Variants in ZMYND8 observed in about 807,000 individuals in gnomAD.
ZMYND8 encodes MYND-type zinc finger-containing chromatin reader ZMYND8.
Under a neutral mutation model 140.8 loss-of-function variants are expected in ZMYND8, and 37 were observed. The observed-to-expected ratio is 0.26, with a 90% CI of 0.20 to 0.35. The LOEUF (loss-of-function observed/expected upper bound fraction) is 0.35, where lower values mean the gene tolerates loss of function less well. ZMYND8 is among the 10% of genes least tolerant of loss of function. The pLI is 1.00. For synonymous variants in ZMYND8, 592 were observed against 597.1 expected, an observed-to-expected ratio of 0.99 and a Z score of 0.12; for missense variants, 1,068 against 1,570.0, an observed-to-expected ratio of 0.68 and a Z score of 5.40.
intron 4 of ZMYND8, among the ~76,000 whole-genome samples, chr20:47,296,671 G>A (rs764827962): frequency 3.9e-5 from 6 of 152,128 alleles, no homozygotes; most frequent in Non-Finnish European, 8.8e-5. Context: ...ACTATATTTT[G>A]TTGGCCGGGC....
At chr20:47,291,971 A>T in intron 5 of ZMYND8, 83 bp from the exon 6 acceptor site, 1 of 1,224,722 alleles carries the variant, frequency 8.2e-7, no homozygotes, top group Non-Finnish European at 1.1e-6. Flanking sequence ...AGGCTTGAAA[A>T]ATTGAGACAA....
chr20:47,308,560 A>C (rs570730110), intron 3 of ZMYND8, among the ~76,000 whole-genome samples: 2 of 152,236 alleles, frequency 1.3e-5, no homozygotes, highest in East Asian at 3.9e-4. Flanking sequence ...ATTTCATATA[A>C]AGATTGTATG....
At chr20:47,307,590 C>G (rs1477947972) in intron 3 of ZMYND8, among the ~76,000 whole-genome samples, 1 of 152,094 alleles carries the variant, frequency 6.6e-6, no homozygotes, top group Non-Finnish European at 1.5e-5. Context: ...AGAGGGTAGG[C>G]TGGGCACAGT....
rs144049788 is a variant in ZMYND8, at chr20:47,328,131, T to C, written c.86-17927A>G. 1.1e-3 allele frequency among the ~76,000 whole-genome samples: 166 copies of C among 152,114 alleles called. 1 individual carries two copies. Among genetic ancestry groups the C allele is most frequent in the African/African-American group, 3.8e-3 (156 of 41,482 alleles). On this transcript the variant is annotated intron_variant, in intron 2 of 22. Coordinates refer to ENST00000471951, the MANE Select transcript of ZMYND8 (RefSeq NM_001281775.3). ...CTACCCTAGATCATTAAATCTAAAC[T>C]TGAAAGGCCCTTAAAGGGTGTAACA...
intron 12 of ZMYND8, among the ~76,000 whole-genome samples, chr20:47,261,790 G>A (rs1246360674): frequency 6.6e-6 from 1 of 152,000 alleles, no homozygotes; most frequent in African/African-American, 2.4e-5. Flanking sequence ...AAGCACTTTG[G>A]GCCAGGCATG....
intron 13 of ZMYND8, 40 bp from the exon 14 acceptor site, chr20:47,246,557 A>C: frequency 6.5e-7 from 1 of 1,530,258 alleles, no homozygotes; most frequent in Non-Finnish European, 8.7e-7. Flanking sequence ...GCGTAGTCAC[A>C]AAATAAAGAG....
intron 14 of ZMYND8, among the ~76,000 whole-genome samples, chr20:47,239,893 C>T (rs2039727373): frequency 6.6e-6 from 1 of 152,138 alleles, no homozygotes; most frequent in South Asian, 2.1e-4. Flanking sequence ...GTGTTCAAGT[C>T]TAAAATGAGT....
intron 11 of ZMYND8, among the ~76,000 whole-genome samples, chr20:47,274,545 C>T (rs1569065126): frequency 1.3e-5 from 2 of 152,112 alleles, no homozygotes. Context: ...TTAAATGGAA[C>T]CGTGTCATGA....
chr20:47,258,575 G>A (rs754946591), intron 12 of ZMYND8, among the ~76,000 whole-genome samples: 6 of 152,052 alleles, frequency 3.9e-5, no homozygotes, highest in Non-Finnish European at 5.9e-5. Context: ...CCAACCCCCA[G>A]CTATCACTCA....
intron 2 of ZMYND8, among the ~76,000 whole-genome samples, chr20:47,334,111 A>G (rs536787608): frequency 1.7e-4 from 26 of 152,296 alleles, no homozygotes; most frequent in African/African-American, 5.8e-4. Context: ...TGACTCTCTC[A>G]TGTAATTTAT....
chr20:47,311,551 T>A (rs2078932016), intron 2 of ZMYND8, among the ~76,000 whole-genome samples: 1 of 152,214 alleles, frequency 6.6e-6, no homozygotes, highest in African/African-American at 2.4e-5. Flanking sequence ...GCAGTCATCT[T>A]GCCTTTGCTC....
At position 47,283,477 on chromosome 20, in the gene ZMYND8, T is replaced by C. The variant is rs2076735238; in HGVS notation, c.882+94A>G. On this transcript the variant is annotated intron_variant, in intron 9 of 22. Coordinates refer to ENST00000471951, the MANE Select transcript of ZMYND8 (RefSeq NM_001281775.3). ...TTATCTTAAAACTCCATCCAAAGTT[T>C]CATCTAATAAGCCACCTGGAAAAAG... The C allele has an allele frequency of 2.3e-6, 3 of 1,282,738 alleles. No individual in the cohort carries two copies. In the Admixed American group the frequency reaches 5.7e-5, roughly 24 times the overall value. The allele number at this position is 1,282,738 out of a possible 1,614,324, so 79.5% of individuals were successfully genotyped here.
chr20:47,248,965 G>C (rs1454273748), intron 13 of ZMYND8, among the ~76,000 whole-genome samples: 1 of 93,684 alleles, frequency 1.1e-5, no homozygotes, highest in Non-Finnish European at 2.1e-5. Flanking sequence ...TGGAGACACT[G>C]ATGCGTACTG....
At chr20:47,261,306 G>C (rs138172205) in intron 12 of ZMYND8, among the ~76,000 whole-genome samples, 2 of 152,258 alleles carry the variant, frequency 1.3e-5, no homozygotes, top group African/African-American at 4.8e-5. Flanking sequence ...GGAGGCTAAA[G>C]TGGGAGGACT....
intron 2 of ZMYND8, among the ~76,000 whole-genome samples, chr20:47,327,766 G>A (rs2080567006): frequency 1.3e-5 from 2 of 152,110 alleles, no homozygotes; most frequent in South Asian, 4.2e-4. Flanking sequence ...TGTTTGCCGA[G>A]GTCTCCATTA....
At chr20:47,222,395 G>C (rs567222924) in intron 19 of ZMYND8, among the ~76,000 whole-genome samples, 42 of 152,318 alleles carry the variant, frequency 2.8e-4, no homozygotes, top group African/African-American at 8.7e-4. Context: ...AATTAGCCAG[G>C]CGTGGTGGCG....
intron 8 of ZMYND8, among the ~76,000 whole-genome samples, chr20:47,286,200 C>G (rs1037218815): frequency 6.8e-6 from 1 of 146,982 alleles, no homozygotes; most frequent in Non-Finnish European, 1.5e-5. Flanking sequence ...TTCTCGGAGA[C>G]AGAGTCTCAC....
chr20:47,333,712 G>C (rs1602020224), intron 2 of ZMYND8, among the ~76,000 whole-genome samples: 1 of 113,982 alleles, frequency 8.8e-6, no homozygotes, highest in African/African-American at 3.4e-5. Flanking sequence ...GTGACAGAGC[G>C]AGACTCCGTC....
At chr20:47,245,241 G>A (rs1313374410) in intron 14 of ZMYND8, among the ~76,000 whole-genome samples, 1 of 152,100 alleles carries the variant, frequency 6.6e-6, no homozygotes, top group Non-Finnish European at 1.5e-5. Context: ...CAAAACCTTT[G>A]AAATGAACAC....
Sources: allele counts gnomAD v4.1 joint callset (sites outside exome capture counted in the v4.1 genomes callset), GRCh38; gene constraint gnomAD v4.1.1; transcripts MANE v1.5; gene names NCBI Gene and HGNC (gene_info 2026-07-23, HGNC 2026-07-21).